Variants in LRRC4C observed in about 807,000 individuals in gnomAD.
LRRC4C encodes leucine-rich repeat-containing protein 4C.
Under a neutral mutation model 33.6 loss-of-function variants are expected in LRRC4C, and 5 were observed. The ratio of observed to expected loss-of-function variants is 0.15; its 90% confidence interval spans 0.08 to 0.31. The LOEUF is 0.31. Ranked by LOEUF, LRRC4C falls within the 10% of genes least tolerant of loss-of-function variation. LRRC4C has a pLI of 1.00. For missense variants in LRRC4C, 560 were observed against 796.7 expected (o/e 0.70, Z 3.58); for synonymous variants, 329 against 302.0 (o/e 1.09, Z -0.93).
chr11:41,398,408 G>A (rs528733058), intron 1 of LRRC4C, among the ~76,000 whole-genome samples: 7 of 152,058 alleles, frequency 4.6e-5, no homozygotes, highest in African/African-American at 1.4e-4. Flanking sequence ...CTTCAGATAC[G>A]ATTCTTGAAA....
intron 2 of LRRC4C, among the ~76,000 whole-genome samples, chr11:40,676,495 G>T (rs766464000): frequency 6.7e-6 from 1 of 149,940 alleles, no homozygotes; most frequent in Non-Finnish European, 1.5e-5. Flanking sequence ...TATTGGAAAG[G>T]GTGTTTTATT....
intron 1 of LRRC4C, among the ~76,000 whole-genome samples, chr11:40,974,863 T>C (rs1851974060): frequency 6.6e-6 from 1 of 152,218 alleles, no homozygotes; most frequent in Non-Finnish European, 1.5e-5. Context: ...TCTTGGACAC[T>C]GGGACTCCAG....
intron 1 of LRRC4C, among the ~76,000 whole-genome samples, chr11:40,980,693 C>G (rs1852454999): frequency 6.6e-6 from 1 of 152,174 alleles, no homozygotes; most frequent in African/African-American, 2.4e-5. Context: ...AGAACCTTCT[C>G]TTTCGTATTT....
At chr11:41,111,871 T>A (rs1360216585) in intron 1 of LRRC4C, among the ~76,000 whole-genome samples, 1 of 152,042 alleles carries the variant, frequency 6.6e-6, no homozygotes, top group Non-Finnish European at 1.5e-5. Flanking sequence ...GTTCTGACTA[T>A]CATAGATAAT....
At chr11:40,711,475 G>C (rs1215478568) in intron 2 of LRRC4C, among the ~76,000 whole-genome samples, 1 of 152,116 alleles carries the variant, frequency 6.6e-6, no homozygotes, top group Non-Finnish European at 1.5e-5. Context: ...TTGGTTATTA[G>C]AAATAATTCA....
At chr11:41,375,028 G>A (rs900521063) in intron 1 of LRRC4C, among the ~76,000 whole-genome samples, 1 of 152,062 alleles carries the variant, frequency 6.6e-6, no homozygotes, top group African/African-American at 2.4e-5. Context: ...TTGAGAGGCT[G>A]AGGAGGGAGA....
chr11:41,270,394 A>G (rs562565437), intron 1 of LRRC4C, among the ~76,000 whole-genome samples: 5 of 152,122 alleles, frequency 3.3e-5, no homozygotes, highest in Non-Finnish European at 7.4e-5. Context: ...AACAAATTAT[A>G]AAGTTGTATT....
chr11:40,516,347 T>C lies in LRRC4C; in HGVS notation c.-270+131795A>G, dbSNP rs752912420. Among the ~76,000 whole-genome samples, 39 of 152,148 alleles carry C rather than the reference T, an allele frequency of 2.6e-4. 1 individual carries two copies. Among genetic ancestry groups the C allele is most frequent in the African/African-American group, 8.9e-4 (37 of 41,446 alleles). On this transcript the variant is annotated intron_variant, in intron 3 of 6. Transcript: ENST00000528697. ...CTACAAAGTTTAGAAAGGCACTTTA[T>C]TCCAGCTAGCTTTCAAGGCTCATTA...
intron 1 of LRRC4C, among the ~76,000 whole-genome samples, chr11:41,056,917 G>A (rs1324912500): frequency 6.6e-6 from 1 of 152,184 alleles, no homozygotes; most frequent in Non-Finnish European, 1.5e-5. Context: ...AGGAGTCAGG[G>A]ACAAGTGGGA....
At chr11:41,283,886 T>C (rs1421826827) in intron 1 of LRRC4C, among the ~76,000 whole-genome samples, 2 of 152,370 alleles carry the variant, frequency 1.3e-5, no homozygotes, top group African/African-American at 4.8e-5. Context: ...ATTTCCTCAA[T>C]GGTAAAATAC....
chr11:41,404,044 G>C (rs964828112), intron 1 of LRRC4C, among the ~76,000 whole-genome samples: 1 of 152,052 alleles, frequency 6.6e-6, no homozygotes, highest in Non-Finnish European at 1.5e-5. Context: ...AAACACAGTT[G>C]AGAAGTAAAT....
intron 1 of LRRC4C, among the ~76,000 whole-genome samples, chr11:41,331,162 T>C (rs1951281804): frequency 6.6e-6 from 1 of 152,148 alleles, no homozygotes; most frequent in Admixed American, 6.5e-5. Context: ...AATCCAAAAA[T>C]AATTACAGTT....
At position 40,799,225 on chromosome 11, in the gene LRRC4C, C is replaced by T. The variant is rs1163191316; in HGVS notation, c.-407+134410G>A. Reference sequence around the variant, plus strand: ...TATGCAATTTTCTGCTTATTTTTCTCATCACAAGCAATTCTCTAACCTTAA... The same window carrying T: ...TATGCAATTTTCTGCTTATTTTTCTTATCACAAGCAATTCTCTAACCTTAA... On this transcript the variant is annotated intron_variant, in intron 2 of 6. Coordinates refer to ENST00000528697, the MANE Select transcript of LRRC4C (RefSeq NM_001258419.2). Among the ~76,000 whole-genome samples, 3 of 152,076 alleles carry T rather than the reference C, an allele frequency of 2.0e-5. No individual in the cohort carries two copies. The East Asian group carries it at 5.8e-4, about 29-fold the overall frequency.
intron 2 of LRRC4C, among the ~76,000 whole-genome samples, chr11:40,703,355 A>G (rs757882699): frequency 2.0e-5 from 3 of 152,206 alleles, no homozygotes; most frequent in Non-Finnish European, 4.4e-5. Context: ...CTACATAAAA[A>G]AGAAAATGTA....
chr11:41,100,302 C>G lies in LRRC4C; in HGVS notation c.-495-166579G>C, dbSNP rs558202776. On this transcript the variant is annotated intron_variant, in intron 1 of 6. Coordinates refer to ENST00000528697, the MANE Select transcript of LRRC4C (RefSeq NM_001258419.2). ...AAATAGCTGGCTGGGTGCGGTGGCT[C>G]ACGACTGTAATTACAACACTTTGGG... is the stretch of plus-strand genomic sequence containing the variant. Among the ~76,000 whole-genome samples the G allele has an allele frequency of 1.9e-4, 29 of 152,082 alleles. No individual in the cohort carries two copies. The South Asian group carries it at 5.4e-3, about 28-fold the overall frequency.
intron 1 of LRRC4C, among the ~76,000 whole-genome samples, chr11:41,181,717 A>G (rs1945458910): frequency 6.6e-6 from 1 of 152,200 alleles, no homozygotes; most frequent in Non-Finnish European, 1.5e-5. Flanking sequence ...AATGAGCTAC[A>G]GCAATCTCAT....
intron 3 of LRRC4C, among the ~76,000 whole-genome samples, chr11:40,548,654 C>T (rs1429180465): frequency 6.6e-6 from 1 of 152,024 alleles, no homozygotes; most frequent in Non-Finnish European, 1.5e-5. Flanking sequence ...GTGGAAAGAC[C>T]CATGCTTGAC....
chr11:41,266,905 G>A (rs762705491), intron 1 of LRRC4C, among the ~76,000 whole-genome samples: 1 of 152,078 alleles, frequency 6.6e-6, no homozygotes, highest in African/African-American at 2.4e-5. Flanking sequence ...TTGGTTCAAG[G>A]AGAATTTCAC....
chr11:41,427,408 A>G (rs1955077724), intron 1 of LRRC4C, among the ~76,000 whole-genome samples: 1 of 152,178 alleles, frequency 6.6e-6, no homozygotes, highest in African/African-American at 2.4e-5. Context: ...GACAATAAAA[A>G]GTCAATAAAT....
Sources: allele counts gnomAD v4.1 joint callset (sites outside exome capture counted in the v4.1 genomes callset), GRCh38; gene constraint gnomAD v4.1.1; transcripts MANE v1.5; gene names NCBI Gene and HGNC (gene_info 2026-07-23, HGNC 2026-07-21).